Variants in NEB observed in about 807,000 individuals in gnomAD.
NEB encodes nebulin.
Under a neutral mutation model 952.2 loss-of-function variants are expected in NEB, and 512 were observed. The ratio of observed to expected loss-of-function variants is 0.54; its 90% CI spans 0.50 to 0.58. The LOEUF (loss-of-function observed/expected upper bound fraction) is 0.58, where lower values mean the gene tolerates loss of function less well. Among genes scored for constraint, NEB ranks in the 20% least tolerant of loss-of-function variants. The pLI, the probability that NEB is intolerant of heterozygous loss-of-function variation, is 0.00. For missense variants in NEB, 8,428 were observed against 9,231.1 expected (o/e 0.91, Z 3.56); for synonymous variants, 2,900 against 3,149.8 (o/e 0.92, Z 2.66).
chr2:151,507,659 G>T, intron 162 of NEB: 1 of 235,846 alleles, frequency 4.2e-6, no homozygotes, highest in East Asian at 9.2e-5. Context: ...CTGTTTCTTT[G>T]GGTAGTCATT....
In NEB at chr2:151,516,492, G is replaced by A. The variant is rs1396527518; in HGVS notation, c.22872C>T (p.Ile7624=). ...GCATCTGCTGAGACTCTTTGGCAGT[G>A]ATGTACGTTGGTGTTTCAAAGTCCA... The part of the protein sequence containing the change: ...PMLDFETPTY[I]TAKESQQMQS... Residue 7624 remains isoleucine, a synonymous_variant, in exon 157 of 182, where the codon ATC becomes ATT. Coordinates refer to ENST00000397345, the MANE Select transcript of NEB (RefSeq NM_001164508.2). 6.8e-6 allele frequency: 11 copies of A among 1,613,368 alleles called. No individual in the cohort carries two copies. The highest frequency in any genetic ancestry group is 9.3e-6 in the Non-Finnish European group (11 of 1,179,464).
At chr2:151,513,723 G>A (rs755736894) in intron 159 of NEB, 30 bp from the exon 160 acceptor site, 9 of 1,423,894 alleles carry the variant, frequency 6.3e-6, no homozygotes, top group Non-Finnish European at 8.7e-6. Flanking sequence ...AAAAAAAAAG[G>A]TACCTAAATG....
intron 161 of NEB, among the ~76,000 whole-genome samples, chr2:151,508,903 C>T (rs892655588): frequency 6.6e-6 from 1 of 152,242 alleles, no homozygotes; most frequent in Non-Finnish European, 1.5e-5. Context: ...TGTTTTTATT[C>T]TCTGCAGCAG....
intron 133 of NEB, among the ~76,000 whole-genome samples, chr2:151,547,067 C>G (rs73967561): frequency 0.047 from 7,190 of 152,130 alleles, 456 homozygotes; most frequent in East Asian, 0.19. Flanking sequence ...CAAGAAGTTG[C>G]TAATGAGGTC....
Position 151,516,458 on chromosome 2 carries a change from C to G in NEB, c.22905+1G>C. On this transcript the variant is annotated splice_donor_variant, in intron 157 of 181. Transcript: ENST00000397345. LOFTEE classifies it high-confidence loss of function. Reference sequence around the variant, plus strand: ...TGTGTGGTGTGGTTTTTTTGACTTACCCCACTCTGCATCTGCTGAGACTCT... The same window carrying G: ...TGTGTGGTGTGGTTTTTTTGACTTAGCCCACTCTGCATCTGCTGAGACTCT... 6.2e-7 allele frequency: 1 copy of G among 1,603,042 alleles called. No homozygotes were observed. The highest frequency in any genetic ancestry group is 8.5e-7 in the Non-Finnish European group (1 of 1,170,736).
intron 3 of NEB, among the ~76,000 whole-genome samples, chr2:151,731,526 G>T (rs1187817796): frequency 6.6e-6 from 1 of 152,122 alleles, no homozygotes; most frequent in Non-Finnish European, 1.5e-5. Context: ...TTATGCTCAT[G>T]ATCTTTTTTG....
At chr2:151,501,258 G>A (rs771079628) in intron 168 of NEB, 133 bp downstream of exon 168, 11 of 564,702 alleles carry the variant, frequency 1.9e-5, no homozygotes, top group Admixed American at 1.8e-4. Context: ...CTGGAAAACA[G>A]AAGGATTCAG....
At position 151,554,797 on chromosome 2, in the gene NEB, AG is replaced by A. The variant is rs1274009053; in HGVS notation, c.19428+133del. The A allele has an allele frequency of 1.8e-5, 13 of 720,954 alleles. No homozygotes were observed. The East Asian group carries it at 3.4e-4, about 19-fold the overall frequency. The allele number at this position is 720,954 out of a possible 1,614,324, so 44.7% of individuals were successfully genotyped here. A position where few individuals can be genotyped will look rare whatever the true frequency, so the allele number is the denominator to read the frequency against. On this transcript the variant is annotated intron_variant, in intron 125 of 181. Coordinates refer to ENST00000397345, the MANE Select transcript of NEB (RefSeq NM_001164508.2). ...AACATGCTGTACAGGTTTGTAGTCT[AG>A]GAGCAATAGGCTATCCCATCTAGGT...
At chr2:151,543,837 GTAC>G (rs944676762) in intron 135 of NEB, among the ~76,000 whole-genome samples, 5 of 152,120 alleles carry the variant, frequency 3.3e-5, no homozygotes, top group Admixed American at 3.3e-4. Context: ...TATTTCCCCT[GTAC>G]TTAGGTATGC....
chr2:151,707,107 G>T, intron 12 of NEB, 110 bp from the exon 13 acceptor site: 1 of 674,976 alleles, frequency 1.5e-6, no homozygotes, highest in South Asian at 2.0e-5. Context: ...TAGAAAAATG[G>T]CAGCTTGACA....
At position 151,679,960 on chromosome 2, in the gene NEB, G is replaced by A. The variant is rs778589014; in HGVS notation, c.3105C>T (p.Pro1035=). ...IHKYNLPPDL[P]QFIQAKVNAY... ...CATTAACTTTAGCCTGGATGAACTG[G>A]GGCAGGTCTGGTGGCAGGTTGTATT... The change falls in exon 31 of 182, where the codon CCC becomes CCT. Residue 1035 remains proline, a synonymous_variant. Transcript: ENST00000397345. 1.2e-5 allele frequency: 20 copies of A among 1,613,696 alleles called. No homozygotes were observed. The highest frequency in any genetic ancestry group is 3.3e-5 in the Admixed American group (2 of 60,000).
chr2:151,506,353 A>T lies in NEB; in HGVS notation c.23557-95T>A. The T allele has an allele frequency of 3.3e-6, 3 of 908,292 alleles. No homozygotes were observed. The South Asian group carries it at 4.8e-5, about 14-fold the overall frequency. The allele number at this position is 908,292 out of a possible 1,614,324, so 56.3% of individuals were successfully genotyped here. A position where few individuals can be genotyped will look rare whatever the true frequency, so the allele number is the denominator to read the frequency against. Reference sequence around the variant, plus strand: ...TAGGACACATGGCTTTTGTGAAAACAAGACACTAGACGATGTTCCCAGGCA... The same window carrying T: ...TAGGACACATGGCTTTTGTGAAAACTAGACACTAGACGATGTTCCCAGGCA... On this transcript the variant is annotated intron_variant, in intron 163 of 181. Transcript: ENST00000397345.
In NEB at chr2:151,569,325, C is replaced by T. The variant is rs1298196178; in HGVS notation, c.17478G>A (p.Met5826Ile). The T allele has an allele frequency of 3.7e-6, 6 of 1,613,806 alleles. No individual in the cohort carries two copies. The highest frequency in any genetic ancestry group is 5.1e-6 in the Non-Finnish European group (6 of 1,179,844). ...GATTGACGGACACGGAGTCATTTGGCATCCACCCAATTCCACGCAACCATT... is the reference window on the plus strand; with the variant it reads ...GATTGACGGACACGGAGTCATTTGGTATCCACCCAATTCCACGCAACCATT... ...DLEWLRGIGW[M>I]PNDSVSVNHA... Residue 5826 changes from methionine (M) to isoleucine (I), a missense_variant, in exon 110 of 182, where the codon ATG (methionine) becomes ATA (isoleucine). Transcript: ENST00000397345.
chr2:151,644,883 T>G (rs574286344), intron 55 of NEB, among the ~76,000 whole-genome samples: 156 of 152,174 alleles, frequency 1.0e-3, no homozygotes, highest in African/African-American at 3.6e-3. Context: ...CATCACAGAG[T>G]GTACTTATGC....
At chr2:151,493,711 TG>T (rs1216651135) in intron 175 of NEB, 63 bp downstream of exon 175, 3 of 1,206,458 alleles carry the variant, frequency 2.5e-6, no homozygotes, top group African/African-American at 3.1e-5. Context: ...GATAAATTAG[TG>T]GTACAACCAT....
intron 145 of NEB, among the ~76,000 whole-genome samples, chr2:151,530,048 A>AT (rs2089734504): frequency 6.6e-6 from 1 of 151,966 alleles, no homozygotes; most frequent in Non-Finnish European, 1.5e-5. Context: ...TCGTGTTATA[A>AT]TTTTTTTTAA....
chr2:151,507,687 A>G (rs892891864), intron 162 of NEB: 22 of 271,174 alleles, frequency 8.1e-5, no homozygotes, highest in African/African-American at 4.8e-4. Flanking sequence ...CTTTTATTGA[A>G]TAAATTGTGT....
Position 151,656,394 on chromosome 2 carries a change from G to A in NEB, c.6254C>T (p.Pro2085Leu), listed in dbSNP as rs773025267. The A allele has an allele frequency of 6.2e-7, 1 of 1,613,296 alleles. No individual in the cohort carries two copies. ...CACTTGCATGGAATGGACTAATTTG[G>A]GATCATCCTCGAGACTGCGGAAACC... ...MVGFRSLEDDPKLVHSMQVAK... is the reference protein window; with the variant it reads ...MVGFRSLEDDLKLVHSMQVAK... Residue 2085 changes from proline to leucine, a missense_variant, in exon 49 of 182, where the codon CCC becomes CTC. This residue lies in a region of NEB where 2,851 missense variants were observed against 2,791.5 expected (regional missense o/e 1.02). Coordinates refer to ENST00000397345, the MANE Select transcript of NEB (RefSeq NM_001164508.2).
At chr2:151,714,543 G>A (rs1381810677) in intron 10 of NEB, among the ~76,000 whole-genome samples, 1 of 152,098 alleles carries the variant, frequency 6.6e-6, no homozygotes, top group East Asian at 1.9e-4. Context: ...TCCCGTGTGT[G>A]CATGTTAAAT....
Sources: allele counts gnomAD v4.1 joint callset (sites outside exome capture counted in the v4.1 genomes callset), GRCh38; gene constraint gnomAD v4.1.1; regional missense constraint gnomAD v4.1.1; transcripts MANE v1.5; gene names NCBI Gene and HGNC (gene_info 2026-07-23, HGNC 2026-07-21).